Variants in AGPAT4 observed in about 807,000 individuals in gnomAD.
AGPAT4 encodes 1-acyl-sn-glycerol-3-phosphate acyltransferase delta.
A neutral mutation model predicts 48.0 loss-of-function variants in AGPAT4; 15 were observed. That is an observed-to-expected ratio of 0.31 (90% CI 0.21 to 0.48). The LOEUF (loss-of-function observed/expected upper bound fraction) is 0.48. Among genes scored for constraint, AGPAT4 ranks in the 20% least tolerant of loss-of-function variants. AGPAT4 has a pLI of 0.99. For missense variants in AGPAT4, 314 were observed against 482.5 expected (o/e 0.65, Z 3.27); for synonymous variants, 178 against 198.7 (o/e 0.90, Z 0.88).
At chr6:161,228,673 A>AAAAAAAAAAAAAAAAAAAC (rs1782047897) in intron 2 of AGPAT4, among the ~76,000 whole-genome samples, 2 of 150,700 alleles carry the variant, frequency 1.3e-5, no homozygotes, top group Non-Finnish European at 3.0e-5. Context: ...AAAAAAAAAA[A>AAAAAAAAAAAAAAAAAAAC]AAAAGCCAGT....
intron 2 of AGPAT4, among the ~76,000 whole-genome samples, chr6:161,187,676 G>A (rs1288353177): frequency 6.6e-6 from 1 of 151,998 alleles, no homozygotes; most frequent in Non-Finnish European, 1.5e-5. Context: ...AAGTAGCTGG[G>A]ATTACAGGTG....
At chr6:161,209,591 T>C (rs1273089654) in intron 2 of AGPAT4, among the ~76,000 whole-genome samples, 1 of 152,116 alleles carries the variant, frequency 6.6e-6, no homozygotes, top group East Asian at 1.9e-4. Context: ...ATTGAGCATG[T>C]TCATAGCATG....
rs1344597158 is a variant in AGPAT4 at position 161,130,161 on chromosome 6, C to G, written c.*6379G>C. On this transcript the variant is annotated 3_prime_UTR_variant, in exon 9 of 9. Coordinates refer to ENST00000320285, the MANE Select transcript of AGPAT4 (RefSeq NM_020133.3). Reference sequence around the variant, plus strand: ...CAGCCCATATATCAGTTCTCTGTTTCACATTAAAAAGTTACCATTCATTCG... The same window carrying G: ...CAGCCCATATATCAGTTCTCTGTTTGACATTAAAAAGTTACCATTCATTCG... 2 of 152,210 alleles carry G rather than the reference C, an allele frequency of 1.3e-5. No individual in the cohort carries two copies. The highest frequency in any genetic ancestry group is 4.8e-5 in the African/African-American group (2 of 41,438). The allele number at this position is 152,210 out of a possible 1,614,324, so 9.4% of individuals were successfully genotyped here.
intron 1 of AGPAT4, among the ~76,000 whole-genome samples, chr6:161,252,521 G>A (rs981858037): frequency 3.3e-5 from 5 of 152,132 alleles, no homozygotes; most frequent in African/African-American, 1.2e-4. Flanking sequence ...GCTTCTTCTA[G>A]AATTCTTTGA....
rs955237820 is a variant in AGPAT4, at chr6:161,147,992, G to A, written c.767+1195C>T. On this transcript the variant is annotated intron_variant, in intron 6 of 8. Coordinates refer to ENST00000320285, the MANE Select transcript of AGPAT4 (RefSeq NM_020133.3). This position sits in a 1 kb window ranked among gnomAD's most constrained non-coding sequence, Gnocchi z 4.8. Reference sequence around the variant, plus strand: ...CTGGCTTCGGTGAGTGAACGTGCCAGTACCATTTTTGGGCTGATTGTCACA... The same window carrying A: ...CTGGCTTCGGTGAGTGAACGTGCCAATACCATTTTTGGGCTGATTGTCACA... Among the ~76,000 whole-genome samples the A allele has an allele frequency of 2.0e-5, 3 of 152,202 alleles. No homozygotes were observed. The highest frequency in any genetic ancestry group is 2.0e-4 in the Admixed American group (3 of 15,276).
In AGPAT4 at chr6:161,264,456, C is replaced by T. The variant is rs780226170; in HGVS notation, c.-90+9482G>A. On this transcript the variant is annotated intron_variant, in intron 1 of 8. Transcript: ENST00000320285. This position sits in a 1 kb window ranked among gnomAD's most constrained non-coding sequence, Gnocchi z 6.8. ...AGAAGCGTGCACACTGGGACCAATA[C>T]TCCCCACTTCCAGACCTAACGTGGG... is the stretch of plus-strand genomic sequence containing the variant. Among the ~76,000 whole-genome samples, 2 of 152,214 alleles carry T rather than the reference C, an allele frequency of 1.3e-5. No homozygotes were observed. Among genetic ancestry groups the T allele is most frequent in the Non-Finnish European group, 2.9e-5 (2 of 68,038 alleles).
chr6:161,183,417 T>C (rs1780656483), intron 2 of AGPAT4, among the ~76,000 whole-genome samples: 1 of 151,694 alleles, frequency 6.6e-6, no homozygotes, highest in Non-Finnish European at 1.5e-5. Context: ...GCCAGGAGTT[T>C]GAGACCAGCC....
rs1780470867 is a variant in AGPAT4, at chr6:161,177,867, A to C, written c.179-11450T>G. Among the ~76,000 whole-genome samples the C allele has an allele frequency of 6.6e-6, 1 of 152,142 alleles. No homozygotes were observed. The highest frequency in any genetic ancestry group is 2.4e-5 in the African/African-American group (1 of 41,438). ...CTTTCCGTTTGTTAGTTTTCCTTCT[A>C]ACAGTCGGAACCCTCAGCTGCAGGT... is the stretch of plus-strand genomic sequence containing the variant. On this transcript the variant is annotated intron_variant, in intron 2 of 8. Coordinates refer to ENST00000320285, the MANE Select transcript of AGPAT4 (RefSeq NM_020133.3). The surrounding 1 kb of genome is among the most constrained non-coding windows in gnomAD (Gnocchi z 5.0).
At chr6:161,152,595 C>T (rs1779624475) in intron 5 of AGPAT4, among the ~76,000 whole-genome samples, 1 of 152,160 alleles carries the variant, frequency 6.6e-6, no homozygotes, top group Non-Finnish European at 1.5e-5. Flanking sequence ...CTGCCCTTTG[C>T]CTCAGAAGGA....
rs1440332847 is a variant in AGPAT4 at position 161,133,028 on chromosome 6, A to G, written c.*3512T>C. Reference sequence around the variant, plus strand: ...TTTCTCACTTTATCTTTAACCTAGTATGTGGCAAGTCTGGACCACTGCTTT... The same window carrying G: ...TTTCTCACTTTATCTTTAACCTAGTGTGTGGCAAGTCTGGACCACTGCTTT... On this transcript the variant is annotated 3_prime_UTR_variant, in exon 9 of 9. Transcript: ENST00000320285. 6.6e-6 allele frequency: 1 copy of G among 152,266 alleles called. No individual in the cohort carries two copies. Among genetic ancestry groups the G allele is most frequent in the Admixed American group, 6.5e-5 (1 of 15,292 alleles). The allele number at this position is 152,266 out of a possible 1,614,324, so 9.4% of individuals were successfully genotyped here. A position where few individuals can be genotyped will look rare whatever the true frequency, so the allele number is the denominator to read the frequency against.
At position 161,165,586 on chromosome 6, in the gene AGPAT4, G is replaced by A. The variant is rs778306660; in HGVS notation, c.348+662C>T. 1.7e-4 allele frequency: 227 copies of A among 1,297,974 alleles called. No homozygotes were observed. The highest frequency in any genetic ancestry group is 2.1e-4 in the Non-Finnish European group (211 of 987,244). The allele number at this position is 1,297,974 out of a possible 1,614,324, so 80.4% of individuals were successfully genotyped here. A position where few individuals can be genotyped will look rare whatever the true frequency, so the allele number is the denominator to read the frequency against. On this transcript the variant is annotated intron_variant, in intron 3 of 8. Coordinates refer to ENST00000320285, the MANE Select transcript of AGPAT4 (RefSeq NM_020133.3). This position sits in a 1 kb window ranked among gnomAD's most constrained non-coding sequence, Gnocchi z 5.5. Reference sequence around the variant, plus strand: ...GATTCCTACGGAATACCTGAGTACCGCAGATGACTCTGATTCAGCTATGTG... The same window carrying A: ...GATTCCTACGGAATACCTGAGTACCACAGATGACTCTGATTCAGCTATGTG...
rs1271804963 is a variant in AGPAT4, at chr6:161,146,982, T to C, written c.768-383A>G. Among the ~76,000 whole-genome samples, 4 of 152,134 alleles carry C rather than the reference T, an allele frequency of 2.6e-5. No individual in the cohort carries two copies. Among genetic ancestry groups the C allele is most frequent in the Non-Finnish European group, 5.9e-5 (4 of 68,030 alleles). On this transcript the variant is annotated intron_variant, in intron 6 of 8. Transcript: ENST00000320285. The surrounding 1 kb of genome is among the most constrained non-coding windows in gnomAD (Gnocchi z 7.1). The stretch of plus-strand genomic sequence containing the variant: ...ACGAGACAATCCAATATACACAGAA[T>C]CGATGCATCAGAGACAATAACCTAG...
chr6:161,273,447 A>G (rs1330016609), intron 1 of AGPAT4, among the ~76,000 whole-genome samples: 1 of 152,182 alleles, frequency 6.6e-6, no homozygotes, highest in Admixed American at 6.5e-5. Context: ...ATACAAATAA[A>G]TCAATGTATA....
At position 161,215,930 on chromosome 6, in the gene AGPAT4, G is replaced by A. The variant is rs13212679; in HGVS notation, c.178+16106C>T. On this transcript the variant is annotated intron_variant, in intron 2 of 8. Coordinates refer to ENST00000320285, the MANE Select transcript of AGPAT4 (RefSeq NM_020133.3). The surrounding 1 kb of genome is among the most constrained non-coding windows in gnomAD (Gnocchi z 4.5). ...TCTATGCCGGCAAGCAAAACTCTTC[G>A]CATGCACCCTGCCATGAAGGGCTAT... Among the ~76,000 whole-genome samples, 12,504 of 152,134 alleles carry A rather than the reference G, an allele frequency of 0.082. 575 individuals are homozygous for A. Among genetic ancestry groups the A allele is most frequent in the African/African-American group, 0.1 (4,236 of 41,510 alleles).
At chr6:161,190,804 A>G (rs1317333739) in intron 2 of AGPAT4, among the ~76,000 whole-genome samples, 1 of 152,212 alleles carries the variant, frequency 6.6e-6, no homozygotes, top group Non-Finnish European at 1.5e-5. Flanking sequence ...ACAAGCAGAA[A>G]TAAACTAATC....
rs1324769771 is a variant in AGPAT4 at position 161,142,003 on chromosome 6, C to G, written c.844-2383G>C. ...TCAGCCTCCTGAGTACCTGGGATTA[C>G]AGGCACCTGCCATCATGCCCAGCTA... is the stretch of plus-strand genomic sequence containing the variant. On this transcript the variant is annotated intron_variant, in intron 7 of 8. Transcript: ENST00000320285. This position sits in a 1 kb window ranked among gnomAD's most constrained non-coding sequence, Gnocchi z 6.4. Among the ~76,000 whole-genome samples the G allele has an allele frequency of 6.6e-6, 1 of 152,228 alleles. No homozygotes were observed.
rs1779510046 is a variant in AGPAT4, at chr6:161,148,818, T to C, written c.767+369A>G. Among the ~76,000 whole-genome samples, 1 of 152,198 alleles carries C rather than the reference T, an allele frequency of 6.6e-6. No individual in the cohort carries two copies. Among genetic ancestry groups the C allele is most frequent in the Non-Finnish European group, 1.5e-5 (1 of 68,040 alleles). ...ACACTGCAAGAGTTCTGCATTTGTG[T>C]CTAGACCGCCTTATATAAATACACA... On this transcript the variant is annotated intron_variant, in intron 6 of 8. Transcript: ENST00000320285. The surrounding 1 kb of genome is among the most constrained non-coding windows in gnomAD (Gnocchi z 5.5).
intron 1 of AGPAT4, among the ~76,000 whole-genome samples, chr6:161,247,164 T>A (rs1782675145): frequency 6.6e-6 from 1 of 152,264 alleles, no homozygotes; most frequent in Non-Finnish European, 1.5e-5. Context: ...GGAACTCAGA[T>A]GTCGGTTGAG....
chr6:161,183,121 C>A (rs142644250), intron 2 of AGPAT4, among the ~76,000 whole-genome samples: 582 of 152,278 alleles, frequency 3.8e-3, no homozygotes, highest in Non-Finnish European at 5.6e-3. Context: ...AACTCCCTTC[C>A]CATAGAGCAG....
Sources: allele counts gnomAD v4.1 joint callset (sites outside exome capture counted in the v4.1 genomes callset), GRCh38; gene constraint gnomAD v4.1.1; non-coding constraint Gnocchi (gnomAD v3.1); transcripts MANE v1.5; gene names NCBI Gene and HGNC (gene_info 2026-07-23, HGNC 2026-07-21).